Variants in LSAMP observed in about 807,000 individuals in gnomAD.
LSAMP encodes the protein limbic system-associated membrane protein.
LSAMP carries 7 observed loss-of-function variants against 38.6 expected under a neutral mutation model. The observed-to-expected ratio is 0.18, with a 90% CI of 0.10 to 0.34. LSAMP has a LOEUF of 0.34. Ranked by LOEUF, LSAMP falls within the 10% of genes least tolerant of loss-of-function variation. LSAMP has a pLI of 1.00. For missense variants in LSAMP, 313 were observed against 420.0 expected, an observed-to-expected ratio of 0.75 and a Z score of 2.23; for synonymous variants, 154 against 166.8, an observed-to-expected ratio of 0.92 and a Z score of 0.59.
chr3:115,873,918 C>T lies in LSAMP; in HGVS notation c.515-21301G>A, dbSNP rs949244574. Reference sequence around the variant, plus strand: ...GATCACCCCAGGATTTGACCTTCCACGTAGGAATCAGTCTATGATGGTGCA... The same window carrying T: ...GATCACCCCAGGATTTGACCTTCCATGTAGGAATCAGTCTATGATGGTGCA... On this transcript the variant is annotated intron_variant, in intron 3 of 6. Coordinates refer to ENST00000490035, the MANE Select transcript of LSAMP (RefSeq NM_002338.5). Among the ~76,000 whole-genome samples the T allele has an allele frequency of 5.9e-5, 9 of 152,086 alleles. No homozygotes were observed. The East Asian group carries it at 7.7e-4, about 13-fold the overall frequency.
intron 3 of LSAMP, among the ~76,000 whole-genome samples, chr3:116,002,939 T>C (rs1285017803): frequency 6.6e-6 from 1 of 152,222 alleles, no homozygotes; most frequent in Non-Finnish European, 1.5e-5. Context: ...AGAAGTGCTA[T>C]AACTAAAGTG....
intron 1 of LSAMP, among the ~76,000 whole-genome samples, chr3:116,197,855 T>C (rs1264009075): frequency 1.3e-5 from 2 of 152,106 alleles, no homozygotes; most frequent in Non-Finnish European, 2.9e-5. Flanking sequence ...GACAACTTTA[T>C]TATAATAGGA....
chr3:116,124,569 T>A (rs1708961468), intron 1 of LSAMP, among the ~76,000 whole-genome samples: 2 of 152,228 alleles, frequency 1.3e-5, no homozygotes, highest in Non-Finnish European at 2.9e-5. Flanking sequence ...AGACTGATTG[T>A]ATCACCAACC....
At chr3:116,266,882 T>G (rs2046899399) in intron 1 of LSAMP, among the ~76,000 whole-genome samples, 1 of 152,248 alleles carries the variant, frequency 6.6e-6, no homozygotes, top group East Asian at 1.9e-4. Flanking sequence ...ATACTAACAA[T>G]AATAATAGTA....
intron 1 of LSAMP, among the ~76,000 whole-genome samples, chr3:116,243,128 C>A (rs924126425): frequency 1.4e-4 from 22 of 152,252 alleles, no homozygotes; most frequent in Non-Finnish European, 1.8e-4. Flanking sequence ...ATTACTTGAA[C>A]CCAGGGGCAA....
At chr3:116,330,045 T>C (rs939023865) in intron 1 of LSAMP, among the ~76,000 whole-genome samples, 6 of 152,184 alleles carry the variant, frequency 3.9e-5, no homozygotes, top group Non-Finnish European at 7.4e-5. Flanking sequence ...TTAACTCACA[T>C]AATCTTTGCA....
At chr3:116,146,298 C>T (rs530635397) in intron 1 of LSAMP, among the ~76,000 whole-genome samples, 1 of 152,056 alleles carries the variant, frequency 6.6e-6, no homozygotes, top group South Asian at 2.1e-4. Context: ...ATGTTATCCC[C>T]AGGCTTTGAA....
intron 1 of LSAMP, among the ~76,000 whole-genome samples, chr3:116,322,834 C>G (rs1407880143): frequency 6.6e-6 from 1 of 152,012 alleles, no homozygotes; most frequent in Non-Finnish European, 1.5e-5. Context: ...TTCTCTGCTT[C>G]TCTACTTTCT....
intron 1 of LSAMP, among the ~76,000 whole-genome samples, chr3:116,421,442 C>T (rs552233872): frequency 1.0e-3 from 154 of 151,390 alleles, no homozygotes; most frequent in South Asian, 3.1e-3. Context: ...TGGTGGTGGG[C>T]GCCTGTAATC....
At chr3:116,129,388 A>T (rs1709076756) in intron 1 of LSAMP, among the ~76,000 whole-genome samples, 1 of 152,234 alleles carries the variant, frequency 6.6e-6, no homozygotes, top group Non-Finnish European at 1.5e-5. Flanking sequence ...CTCTGAAAAT[A>T]CCCACTGATA....
At chr3:116,206,526 C>G (rs1252473272) in intron 1 of LSAMP, among the ~76,000 whole-genome samples, 2 of 99,102 alleles carry the variant, frequency 2.0e-5, no homozygotes, top group Non-Finnish European at 4.7e-5. Flanking sequence ...TTCCTGCTTT[C>G]TCTTGGCGGC....
chr3:116,330,717 A>G (rs1236970827), intron 1 of LSAMP, among the ~76,000 whole-genome samples: 1 of 152,174 alleles, frequency 6.6e-6, no homozygotes, highest in Non-Finnish European at 1.5e-5. Context: ...CCTAAGTTTA[A>G]CTCTCAGGCT....
intron 1 of LSAMP, among the ~76,000 whole-genome samples, chr3:116,199,164 ATT>A (rs765038768): frequency 1.4e-5 from 2 of 145,812 alleles, no homozygotes; most frequent in African/African-American, 2.5e-5. Flanking sequence ...TTTGCTTGTG[ATT>A]TTTTTTTTTT....
At chr3:116,015,024 A>G (rs1432045446) in intron 3 of LSAMP, among the ~76,000 whole-genome samples, 2 of 152,136 alleles carry the variant, frequency 1.3e-5, no homozygotes, top group African/African-American at 2.4e-5. Flanking sequence ...CCAATGTCCA[A>G]TGAGAAAATG....
chr3:115,830,514 G>A (rs568151756), intron 6 of LSAMP, among the ~76,000 whole-genome samples: 2 of 152,282 alleles, frequency 1.3e-5, no homozygotes, highest in South Asian at 4.1e-4. Flanking sequence ...GTGGGAGAAA[G>A]GTGCACGTTT....
At chr3:116,061,454 G>A (rs1417605084) in intron 2 of LSAMP, among the ~76,000 whole-genome samples, 1 of 148,246 alleles carries the variant, frequency 6.7e-6, no homozygotes, top group Non-Finnish European at 1.5e-5. Context: ...AGCCCAATCA[G>A]ATGTGGTGAG....
rs1001147949 is a variant in LSAMP, at chr3:115,809,156, A to G, written c.*1161T>C. The G allele has an allele frequency of 6.6e-6, 1 of 152,224 alleles. No homozygotes were observed. The highest frequency in any genetic ancestry group is 2.4e-5 in the African/African-American group (1 of 41,456). The allele number at this position is 152,224 out of a possible 1,614,324, so 9.4% of individuals were successfully genotyped here. On this transcript the variant is annotated 3_prime_UTR_variant, in exon 7 of 7. Coordinates refer to ENST00000490035, the MANE Select transcript of LSAMP (RefSeq NM_002338.5). ...TATAAGAATCCCTCAGACTCATGAA[A>G]TGAGAGTAAAATCTGAAATTTTCTC... is the stretch of plus-strand genomic sequence containing the variant.
chr3:115,991,534 T>A (rs568276522), intron 3 of LSAMP, among the ~76,000 whole-genome samples: 4 of 152,218 alleles, frequency 2.6e-5, no homozygotes, highest in South Asian at 2.1e-4. Context: ...AATTTATAAT[T>A]GTATAAATTT....
intron 3 of LSAMP, among the ~76,000 whole-genome samples, chr3:115,950,453 A>G (rs1559893611): frequency 6.6e-6 from 1 of 152,206 alleles, no homozygotes; most frequent in Non-Finnish European, 1.5e-5. Flanking sequence ...GACCAAGCTG[A>G]GAATTAAATC....
Sources: allele counts gnomAD v4.1 joint callset (sites outside exome capture counted in the v4.1 genomes callset), GRCh38; gene constraint gnomAD v4.1.1; transcripts MANE v1.5; gene names NCBI Gene and HGNC (gene_info 2026-07-23, HGNC 2026-07-21).